The following USP6NL variants were observed in gnomAD, a reference collection of about 807,000 sequenced individuals.
The protein encoded by USP6NL is USP6 N-terminal like.
USP6NL carries 26 observed loss-of-function variants against 61.9 expected under a neutral mutation model. The observed-to-expected ratio is 0.42, with a 90% confidence interval of 0.31 to 0.58. The LOEUF (loss-of-function observed/expected upper bound fraction) is 0.58, where lower values mean the gene tolerates loss of function less well. Among genes scored for constraint, USP6NL ranks in the 20% least tolerant of loss-of-function variants. The pLI is 0.16. For synonymous variants in USP6NL, 432 were observed against 390.1 expected (o/e 1.11, Z -1.27); for missense variants, 1,114 against 1,034.3 (o/e 1.08, Z -1.06).
chr10:11,535,689 A>G (rs144846194), intron 2 of USP6NL, among the ~76,000 whole-genome samples: 1 of 152,300 alleles, frequency 6.6e-6, no homozygotes, highest in African/African-American at 2.4e-5. Context: ...TTTTTTCCTT[A>G]CAATAATCTG....
chr10:11,494,590 T>G (rs1335615635), intron 7 of USP6NL, among the ~76,000 whole-genome samples: 1 of 152,092 alleles, frequency 6.6e-6, no homozygotes, highest in Non-Finnish European at 1.5e-5. Flanking sequence ...GCCCCGAATG[T>G]CTGGCTGCAC....
At chr10:11,529,316 T>C (rs114885069) in intron 2 of USP6NL, among the ~76,000 whole-genome samples, 2,216 of 152,270 alleles carry the variant, frequency 0.015, 47 homozygotes, top group African/African-American at 0.048. Flanking sequence ...TTCCTTATAA[T>C]GAAGATAAAC....
rs903065450 is a variant in USP6NL, at chr10:11,592,037, T to A, written c.4+5594A>T. Among the ~76,000 whole-genome samples the A allele has an allele frequency of 2.6e-5, 4 of 152,054 alleles. No homozygotes were observed. Among genetic ancestry groups the A allele is most frequent in the Admixed American group, 6.6e-5 (1 of 15,254 alleles). On this transcript the variant is annotated intron_variant, in intron 2 of 14. Coordinates refer to ENST00000609104, the MANE Select transcript of USP6NL (RefSeq NM_014688.5). The surrounding 1 kb of genome is among the most constrained non-coding windows in gnomAD (Gnocchi z 4.7). Reference sequence around the variant, plus strand: ...GGCACCCACCACCATGCCCAGCTAATTTTTTAGTATTTTTAGTAGAGACGG... The same window carrying A: ...GGCACCCACCACCATGCCCAGCTAAATTTTTAGTATTTTTAGTAGAGACGG...
rs1223640713 is a variant in USP6NL, at chr10:11,595,618, T to C, written c.4+2013A>G. Among the ~76,000 whole-genome samples the C allele has an allele frequency of 6.6e-6, 1 of 151,682 alleles. No homozygotes were observed. The highest frequency in any genetic ancestry group is 2.4e-5 in the African/African-American group (1 of 41,218). On this transcript the variant is annotated intron_variant, in intron 2 of 14. Transcript: ENST00000609104. The surrounding 1 kb of genome is among the most constrained non-coding windows in gnomAD (Gnocchi z 5.3). ...AAAGCCAGGCAGAGACAAATATGAATCTGCTAGACCAGCATGAAAAAAACA... is the reference window on the plus strand; with the variant it reads ...AAAGCCAGGCAGAGACAAATATGAACCTGCTAGACCAGCATGAAAAAAACA...
rs1046285896 is a variant in USP6NL at position 11,596,566 on chromosome 10, G to A, written c.4+1065C>T. Among the ~76,000 whole-genome samples the A allele has an allele frequency of 6.6e-6, 1 of 151,794 alleles. No homozygotes were observed. The highest frequency in any genetic ancestry group is 1.5e-5 in the Non-Finnish European group (1 of 67,982). On this transcript the variant is annotated intron_variant, in intron 2 of 14. Coordinates refer to ENST00000609104, the MANE Select transcript of USP6NL (RefSeq NM_014688.5). This position sits in a 1 kb window ranked among gnomAD's most constrained non-coding sequence, Gnocchi z 4.1. Reference sequence around the variant, plus strand: ...GCGAACCCAGGAGGTGGAGCTTGCAGTGAGCGGAGATGGTGCCACTGCACT... The same window carrying A: ...GCGAACCCAGGAGGTGGAGCTTGCAATGAGCGGAGATGGTGCCACTGCACT...
Position 11,600,698 on chromosome 10 carries a change from G to A in USP6NL, c.-83-2981C>T, listed in dbSNP as rs184474237. Among the ~76,000 whole-genome samples the A allele has an allele frequency of 3.1e-3, 475 of 152,276 alleles. 5 individuals are homozygous for A. The highest frequency in any genetic ancestry group is 0.011 in the African/African-American group (455 of 41,560). On this transcript the variant is annotated intron_variant, in intron 1 of 14. Transcript: ENST00000609104. This position sits in a 1 kb window ranked among gnomAD's most constrained non-coding sequence, Gnocchi z 4.1. ...TAAAAATGTTTATCAGGCTGGGCAC[G>A]GTGGCTCACGCCTGTAATCCCAGCA...
intron 14 of USP6NL, among the ~76,000 whole-genome samples, chr10:11,480,637 T>G (rs1208902913): frequency 6.6e-6 from 1 of 152,200 alleles, no homozygotes; most frequent in Non-Finnish European, 1.5e-5. Context: ...CAGTGCTGAT[T>G]AGACCCTTCT....
chr10:11,525,102 C>G lies in USP6NL; in HGVS notation c.155+284G>C, dbSNP rs1835364823. Among the ~76,000 whole-genome samples, 1 of 152,126 alleles carries G rather than the reference C, an allele frequency of 6.6e-6. No homozygotes were observed. On this transcript the variant is annotated intron_variant, in intron 4 of 14. Transcript: ENST00000609104. This position sits in a 1 kb window ranked among gnomAD's most constrained non-coding sequence, Gnocchi z 5.0. ...ATGTTTTATAATTATTTTTAAAATA[C>G]AAATTATCCATTTGCATTTAACTCT...
rs1838368462 is a variant in USP6NL, at chr10:11,597,519, T to C, written c.4+112A>G. On this transcript the variant is annotated intron_variant, in intron 2 of 14. Transcript: ENST00000609104. The surrounding 1 kb of genome is among the most constrained non-coding windows in gnomAD (Gnocchi z 4.6). Reference sequence around the variant, plus strand: ...GTGCTGGGTGGAACCACATTCAAACTCTGAATAAGTGACATAATTCCAATT... The same window carrying C: ...GTGCTGGGTGGAACCACATTCAAACCCTGAATAAGTGACATAATTCCAATT... 3 of 1,153,736 alleles carry C rather than the reference T, an allele frequency of 2.6e-6. No individual in the cohort carries two copies. Among genetic ancestry groups the C allele is most frequent in the Non-Finnish European group, 3.8e-6 (3 of 784,628 alleles). The allele number at this position is 1,153,736 out of a possible 1,614,324, so 71.5% of individuals were successfully genotyped here.
In USP6NL at chr10:11,540,615, A is replaced by G. The variant is rs150738227; in HGVS notation, c.5-13048T>C. ...ACAAGAAATGTTCTAATTACAGCAA[A>G]TTCTTGCAGACCAGATATAAGAAGA... is the stretch of plus-strand genomic sequence containing the variant. On this transcript the variant is annotated intron_variant, in intron 2 of 14. Transcript: ENST00000609104. This position sits in a 1 kb window ranked among gnomAD's most constrained non-coding sequence, Gnocchi z 5.0. 2.4e-3 allele frequency among the ~76,000 whole-genome samples: 360 copies of G among 152,310 alleles called. 1 individual carries two copies. The highest frequency in any genetic ancestry group is 5.8e-3 in the African/African-American group (240 of 41,566).
Position 11,532,502 on chromosome 10 carries a change from C to T in USP6NL, c.5-4935G>A, listed in dbSNP as rs998223399. On this transcript the variant is annotated intron_variant, in intron 2 of 14. Coordinates refer to ENST00000609104, the MANE Select transcript of USP6NL (RefSeq NM_014688.5). This position sits in a 1 kb window ranked among gnomAD's most constrained non-coding sequence, Gnocchi z 4.1. Reference sequence around the variant, plus strand: ...CTGATCATTGTTGAGGGTGAAAACACGGCTTTCAGGCTACATCCCAACTAT... The same window carrying T: ...CTGATCATTGTTGAGGGTGAAAACATGGCTTTCAGGCTACATCCCAACTAT... 6.6e-6 allele frequency among the ~76,000 whole-genome samples: 1 copy of T among 152,178 alleles called. No individual in the cohort carries two copies. The highest frequency in any genetic ancestry group is 1.5e-5 in the Non-Finnish European group (1 of 68,032).
rs1025358835 is a variant in USP6NL at position 11,528,157 on chromosome 10, A to ACACC, written c.5-594_5-591dup. Among the ~76,000 whole-genome samples the ACACC allele has an allele frequency of 6.6e-6, 1 of 151,502 alleles. No homozygotes were observed. The highest frequency in any genetic ancestry group is 6.6e-5 in the Admixed American group (1 of 15,198). Reference sequence around the variant, plus strand: ...CACACACACACACACACACACACACACACCCTTCATCCTTATTAACATTAG... The same window carrying ACACC: ...CACACACACACACACACACACACACACACCCACCCTTCATCCTTATTAACATTAG... On this transcript the variant is annotated intron_variant, in intron 2 of 14. Transcript: ENST00000609104. This position sits in a 1 kb window ranked among gnomAD's most constrained non-coding sequence, Gnocchi z 4.6.
Position 11,562,823 on chromosome 10 carries a change from T to G in USP6NL, c.4+34808A>C. 1 of 973,940 alleles carries G rather than the reference T, an allele frequency of 1.0e-6. No homozygotes were observed. The highest frequency in any genetic ancestry group is 1.2e-6 in the Non-Finnish European group (1 of 819,504). The allele number at this position is 973,940 out of a possible 1,614,324, so 60.3% of individuals were successfully genotyped here. ...TTTATTAGGCATTAGTAAATAAGTT[T>G]TAGAAGAATAATAGTAAGGGTCTTT... On this transcript the variant is annotated intron_variant, in intron 2 of 14. Transcript: ENST00000609104. This position sits in a 1 kb window ranked among gnomAD's most constrained non-coding sequence, Gnocchi z 4.8.
At chr10:11,524,752 C>A (rs773046159) in intron 4 of USP6NL, among the ~76,000 whole-genome samples, 2 of 152,070 alleles carry the variant, frequency 1.3e-5, no homozygotes, top group Non-Finnish European at 2.9e-5. Flanking sequence ...TTGCATGGAA[C>A]TAAAGTATAA....
intron 7 of USP6NL, among the ~76,000 whole-genome samples, chr10:11,500,610 A>G (rs1407485280): frequency 6.6e-6 from 1 of 152,182 alleles, no homozygotes; most frequent in Admixed American, 6.5e-5. Context: ...AAATAATAAA[A>G]CCTAGAGATA....
At chr10:11,556,956 C>T (rs1025514163) in intron 2 of USP6NL, among the ~76,000 whole-genome samples, 3 of 152,078 alleles carry the variant, frequency 2.0e-5, no homozygotes, top group Non-Finnish European at 4.4e-5. Context: ...TTTTATATTC[C>T]TTGCACGCAC....
At position 11,528,081 on chromosome 10, in the gene USP6NL, T is replaced by A. The variant is rs1219449066; in HGVS notation, c.5-514A>T. On this transcript the variant is annotated intron_variant, in intron 2 of 14. Coordinates refer to ENST00000609104, the MANE Select transcript of USP6NL (RefSeq NM_014688.5). This position sits in a 1 kb window ranked among gnomAD's most constrained non-coding sequence, Gnocchi z 4.6. ...TGCTATAACAATCTCCTAACCGGTC[T>A]CTAGGACTCCAGTTTTATCATACAT... 1.3e-5 allele frequency among the ~76,000 whole-genome samples: 2 copies of A among 151,902 alleles called. No individual in the cohort carries two copies. The highest frequency in any genetic ancestry group is 2.9e-5 in the Non-Finnish European group (2 of 67,948).
chr10:11,461,433 A>G lies in USP6NL; in HGVS notation c.*1008T>C. On this transcript the variant is annotated 3_prime_UTR_variant, in exon 15 of 15. Transcript: ENST00000609104. The stretch of plus-strand genomic sequence containing the variant: ...CCGTCGACTACATTCCATAAAGAGG[A>G]CAGAAATGGATTGTATAAATGGCCA... The G allele has an allele frequency of 6.6e-6, 1 of 152,328 alleles. No homozygotes were observed. The highest frequency in any genetic ancestry group is 2.1e-4 in the South Asian group (1 of 4,826). The allele number at this position is 152,328 out of a possible 1,614,324, so 9.4% of individuals were successfully genotyped here.
chr10:11,525,280 A>G lies in USP6NL; in HGVS notation c.155+106T>C, dbSNP rs1301967478. The G allele has an allele frequency of 2.3e-6, 2 of 884,072 alleles. No homozygotes were observed. The highest frequency in any genetic ancestry group is 3.4e-6 in the Non-Finnish European group (2 of 591,518). 54.8% of individuals were successfully genotyped at this position (884,072 alleles called of 1,614,324 possible). A position where few individuals can be genotyped will look rare whatever the true frequency, so the allele number is the denominator to read the frequency against. Reference sequence around the variant, plus strand: ...GTATCAAAACGCATATTGTAAGACTATTCCTTATTCACAGCAATTATATTA... The same window carrying G: ...GTATCAAAACGCATATTGTAAGACTGTTCCTTATTCACAGCAATTATATTA... On this transcript the variant is annotated intron_variant, in intron 4 of 14. Coordinates refer to ENST00000609104, the MANE Select transcript of USP6NL (RefSeq NM_014688.5). This position sits in a 1 kb window ranked among gnomAD's most constrained non-coding sequence, Gnocchi z 5.0.
Sources: allele counts gnomAD v4.1 joint callset (sites outside exome capture counted in the v4.1 genomes callset), GRCh38; gene constraint gnomAD v4.1.1; non-coding constraint Gnocchi (gnomAD v3.1); transcripts MANE v1.5; gene names NCBI Gene and HGNC (gene_info 2026-07-23, HGNC 2026-07-21).